The following PCSK1 variants were observed in gnomAD, a reference collection of about 807,000 sequenced individuals.
The protein encoded by PCSK1 is proprotein convertase subtilisin/kexin type 1.
Under a neutral mutation model 90.6 loss-of-function variants are expected in PCSK1, and 56 were observed. That is an observed-to-expected ratio of 0.62 (90% CI 0.50 to 0.77). The LOEUF (loss-of-function observed/expected upper bound fraction) is 0.77. Ranked by LOEUF, PCSK1 falls within the 30% of genes least tolerant of loss-of-function variation. The probability of loss-of-function intolerance (pLI) is 0.00; values close to 1 mark genes in which losing one functional copy is unlikely to be tolerated. For synonymous variants in PCSK1, 348 were observed against 342.4 expected, an observed-to-expected ratio of 1.02 and a Z score of -0.18; for missense variants, 801 against 932.6, an observed-to-expected ratio of 0.86 and a Z score of 1.84.
chr5:96,419,727 G>A (rs1761059911), intron 5 of PCSK1, among the ~76,000 whole-genome samples: 1 of 151,816 alleles, frequency 6.6e-6, no homozygotes, highest in Non-Finnish European at 1.5e-5. Flanking sequence ...TATATGGGCT[G>A]CTTCCCTAGG....
intron 2 of PCSK1, among the ~76,000 whole-genome samples, chr5:96,427,612 T>G (rs1761351155): frequency 6.6e-6 from 1 of 152,190 alleles, no homozygotes; most frequent in African/African-American, 2.4e-5. Flanking sequence ...CCAAATCAGC[T>G]ATCAAGGGGA....
intron 9 of PCSK1, among the ~76,000 whole-genome samples, chr5:96,406,101 G>T (rs1361791602): frequency 6.6e-6 from 1 of 152,086 alleles, no homozygotes; most frequent in African/African-American, 2.4e-5. Flanking sequence ...ACCTATGCAG[G>T]CTGACATTTT....
chr5:96,410,735 TC>T, intron 8 of PCSK1, 38 bp downstream of exon 8: 3 of 1,513,118 alleles, frequency 2.0e-6, no homozygotes, highest in Non-Finnish European at 2.8e-6. Context: ...TGCCACGCTC[TC>T]CTAACTAAGC....
chr5:96,423,724 CT>C (rs1429551286), intron 3 of PCSK1, among the ~76,000 whole-genome samples: 1 of 152,188 alleles, frequency 6.6e-6, no homozygotes, highest in Non-Finnish European at 1.5e-5. Flanking sequence ...AACTACATGG[CT>C]TTGAAGAATT....
rs1283914428 is a variant in PCSK1, at chr5:96,415,901, T to G, written c.709+132A>C. The G allele has an allele frequency of 4.3e-6, 3 of 694,870 alleles. No individual in the cohort carries two copies. The East Asian group carries it at 8.1e-5, about 19-fold the overall frequency. The allele number at this position is 694,870 out of a possible 1,614,324, so 43.0% of individuals were successfully genotyped here. A position where few individuals can be genotyped will look rare whatever the true frequency, so the allele number is the denominator to read the frequency against. ...TCGCTGGCAAATCATATTCAAGTCC[T>G]GTAGCAACTTTGGCATGGAACTAAT... On this transcript the variant is annotated intron_variant, in intron 6 of 13. Transcript: ENST00000311106.
At chr5:96,395,650 G>C (rs1033970434) in intron 12 of PCSK1, among the ~76,000 whole-genome samples, 5 of 152,112 alleles carry the variant, frequency 3.3e-5, no homozygotes, top group African/African-American at 1.2e-4. Flanking sequence ...AGGGAGTAGG[G>C]GGCAAGGGGA....
At chr5:96,413,007 C>T in intron 6 of PCSK1, 1 of 976,606 alleles carries the variant, frequency 1.0e-6, no homozygotes. Flanking sequence ...CAGTCTACGC[C>T]ACACAAGGAC....
At chr5:96,411,098 T>G in intron 7 of PCSK1, 112 bp from the exon 8 acceptor site, 1 of 829,350 alleles carries the variant, frequency 1.2e-6, no homozygotes, top group East Asian at 2.5e-5. Flanking sequence ...GACAGCTATT[T>G]GGGATCTATT....
At position 96,394,938 on chromosome 5, in the gene PCSK1, G is replaced by T; in HGVS notation, c.1810C>A (p.Pro604Thr). The T allele has an allele frequency of 6.2e-7, 1 of 1,614,010 alleles. No individual in the cohort carries two copies. Among genetic ancestry groups the T allele is most frequent in the Non-Finnish European group, 8.5e-7 (1 of 1,179,882 alleles). Residue 604 changes from proline (P) to threonine (T), a missense_variant, in exon 13 of 14, where the codon CCT becomes ACT. Coordinates refer to ENST00000311106, the MANE Select transcript of PCSK1 (RefSeq NM_000439.5). Reference protein sequence around the residue: ...TSSQPEHMKQPRVYTSYNTVQ... With the variant: ...TSSQPEHMKQTRVYTSYNTVQ... ...GTGTTGTAGGACGTGTACACACGAG[G>T]CTGCTTCATATGCTCTGGCTGAGAA...
chr5:96,432,160 G>A (rs1490986302), intron 1 of PCSK1: 14 of 1,533,298 alleles, frequency 9.1e-6, no homozygotes, highest in African/African-American at 1.4e-5. Flanking sequence ...GGGACTGGCC[G>A]GGCAAAGTTA....
rs1205602744 is a variant in PCSK1, at chr5:96,410,906, G to A, written c.963C>T (p.Gly321=). 8.1e-6 allele frequency: 13 copies of A among 1,613,608 alleles called. No individual in the cohort carries two copies. Among genetic ancestry groups the A allele is most frequent in the Middle Eastern group, 1.7e-4 (1 of 6,050 alleles). The part of the protein sequence containing the change: ...GRQGDNCDCD[G]YTDSIYTISI... Reference sequence around the variant, plus strand: ...AGATGGTGTAGATGCTGTCTGTGTAGCCATCACAGTCACAATTATCTCCCT... The same window carrying A: ...AGATGGTGTAGATGCTGTCTGTGTAACCATCACAGTCACAATTATCTCCCT... The change falls in exon 8 of 14, where the codon GGC becomes GGT. Residue 321 remains glycine, a synonymous_variant. Transcript: ENST00000311106.
At position 96,399,966 on chromosome 5, in the gene PCSK1, C is replaced by T. The variant is rs1353580663; in HGVS notation, c.1417G>A (p.Asp473Asn). ...GGAGATACTTACCTGGGCTCAAAGTCATTGTCCTTTACAACACACTCTTTC... is the reference window on the plus strand; with the variant it reads ...GGAGATACTTACCTGGGCTCAAAGTTATTGTCCTTTACAACACACTCTTTC... The part of the protein sequence containing the change: ...EKKECVVKDN[D>N]FEPRALKANG... Residue 473 changes from aspartate (D) to asparagine (N), a missense_variant, in exon 10 of 14, where the codon GAC becomes AAC. Physicochemically the swap from Asp to Asn is conservative, Grantham distance 23. Coordinates refer to ENST00000311106, the MANE Select transcript of PCSK1 (RefSeq NM_000439.5). The T allele has an allele frequency of 6.2e-7, 1 of 1,613,030 alleles. No individual in the cohort carries two copies. The highest frequency in any genetic ancestry group is 8.5e-7 in the Non-Finnish European group (1 of 1,179,168).
At chr5:96,432,032 C>A in intron 1 of PCSK1, 1 of 1,323,570 alleles carries the variant, frequency 7.6e-7, no homozygotes, top group South Asian at 1.3e-5. Context: ...ACCAAGCCTT[C>A]ACTTGGACAG....
At chr5:96,405,461 A>T (rs1760528052) in intron 9 of PCSK1, among the ~76,000 whole-genome samples, 1 of 152,208 alleles carries the variant, frequency 6.6e-6, no homozygotes, top group South Asian at 2.1e-4. Context: ...AGAGACTGAG[A>T]TTAATGAGGC....
chr5:96,415,292 C>T (rs2112428320), intron 6 of PCSK1, among the ~76,000 whole-genome samples: 1 of 152,266 alleles, frequency 6.6e-6, no homozygotes, highest in South Asian at 2.1e-4. Flanking sequence ...ACCCCTGAAT[C>T]CCCTTTGCCT....
Position 96,416,026 on chromosome 5 carries a change from G to C in PCSK1, c.709+7C>G. On this transcript the variant is annotated splice_region_variant and intron_variant, in intron 6 of 13. Coordinates refer to ENST00000311106, the MANE Select transcript of PCSK1 (RefSeq NM_000439.5). The stretch of plus-strand genomic sequence containing the variant: ...TGCCAAGCTATAGGGACAATCCTCT[G>C]TTTTACCTCCAACTTTGGAATTGTA... 1 of 1,577,952 alleles carries C rather than the reference G, an allele frequency of 6.3e-7. No individual in the cohort carries two copies. The highest frequency in any genetic ancestry group is 8.7e-7 in the Non-Finnish European group (1 of 1,146,964).
chr5:96,390,671 G>A lies in PCSK1; in HGVS notation c.*2330C>T, dbSNP rs1759910272. The A allele has an allele frequency of 6.6e-6, 1 of 152,436 alleles. No individual in the cohort carries two copies. The highest frequency in any genetic ancestry group is 2.1e-4 in the South Asian group (1 of 4,816). 9.4% of individuals were successfully genotyped at this position (152,436 alleles called of 1,614,324 possible). A position where few individuals can be genotyped will look rare whatever the true frequency, so the allele number is the denominator to read the frequency against. ...TATTATGCTCTTTAAAATTCTGTTTGATAAAAGCATTGGTATATTATAAAT... is the reference window on the plus strand; with the variant it reads ...TATTATGCTCTTTAAAATTCTGTTTAATAAAAGCATTGGTATATTATAAAT... On this transcript the variant is annotated 3_prime_UTR_variant, in exon 14 of 14. Transcript: ENST00000311106.
intron 6 of PCSK1, among the ~76,000 whole-genome samples, chr5:96,415,039 G>A (rs1417380790): frequency 6.6e-6 from 1 of 152,146 alleles, no homozygotes; most frequent in Non-Finnish European, 1.5e-5. Flanking sequence ...GATTCTTTTT[G>A]TGATTATGGT....
At chr5:96,396,031 C>T (rs983972311) in intron 12 of PCSK1, among the ~76,000 whole-genome samples, 5 of 152,092 alleles carry the variant, frequency 3.3e-5, no homozygotes, top group African/African-American at 1.2e-4. Flanking sequence ...TTCTTAGTTT[C>T]CTGATGGTGA....
Sources: gnomAD v4.1 joint callset for allele counts (sites outside exome capture counted in the v4.1 genomes callset) on GRCh38, gnomAD v4.1.1 for gene constraint, MANE v1.5 for transcripts, NCBI Gene and HGNC (gene_info 2026-07-23, HGNC 2026-07-21) for gene names.